NEXMIF: variants seen among roughly 807,000 people sequenced by gnomAD.
NEXMIF encodes XLMR protein related to neurite extension.
NEXMIF carries 8 observed loss-of-function variants against 62.1 expected under a neutral mutation model. That is an observed-to-expected ratio of 0.13 (90% CI 0.08 to 0.23). The LOEUF (loss-of-function observed/expected upper bound fraction) is 0.23, where lower values mean the gene tolerates loss of function less well. Ranked by LOEUF, NEXMIF falls within the 10% of genes least tolerant of loss-of-function variation. The pLI, the probability that NEXMIF is intolerant of heterozygous loss-of-function variation, is 1.00. For synonymous variants in NEXMIF, 404 were observed against 416.6 expected, an observed-to-expected ratio of 0.97 and a Z score of 0.37; for missense variants, 976 against 1,113.3, an observed-to-expected ratio of 0.88 and a Z score of 1.75.
chrX:74,911,493 A>G (rs1303705872), intron 1 of NEXMIF, among the ~76,000 whole-genome samples: 1 of 111,907 alleles, frequency 8.9e-6, no homozygotes, highest in African/African-American at 3.3e-5. Flanking sequence ...CCATCTCCAT[A>G]TCTCTGAGTA....
At position 74,827,779 on chromosome X, in the gene NEXMIF, C is replaced by T. The variant is rs562957289; in HGVS notation, c.-47-82082G>A. On this transcript the variant is annotated intron_variant, in intron 1 of 3. Transcript: ENST00000055682. ...GGAAGAGATGTGTACAATTAGTTGT[C>T]AAAAGCCAATGCAAACCAATTCTAG... Among the ~76,000 whole-genome samples, 17 of 111,388 alleles carry T rather than the reference C, an allele frequency of 1.5e-4. No individual in the cohort carries two copies. In the South Asian group the frequency reaches 6.5e-3, roughly 43 times the overall value.
At chrX:74,872,093 A>G (rs1027640052) in intron 1 of NEXMIF, among the ~76,000 whole-genome samples, 2 of 111,726 alleles carry the variant, frequency 1.8e-5, no homozygotes, top group African/African-American at 3.3e-5. Context: ...AAGAAATGAT[A>G]AAAGTATTAA....
rs142648258 is a variant in NEXMIF at position 74,766,872 on chromosome X, C to G, written c.-47-21175G>C. On this transcript the variant is annotated intron_variant, in intron 1 of 3. Transcript: ENST00000055682. ...CTGTGTGTGGGTCTTCCTTTCACTG[C>G]TTGGCTGCCTCTGATTGAAGTGGTC... 3.1e-3 allele frequency among the ~76,000 whole-genome samples: 352 copies of G among 111,930 alleles called. 1 individual carries two copies. Among genetic ancestry groups the G allele is most frequent in the African/African-American group, 0.011 (331 of 30,858 alleles).
In NEXMIF at chrX:74,781,431, AAGG is replaced by A. The variant is rs766568249; in HGVS notation, c.-47-35737_-47-35735del. On this transcript the variant is annotated intron_variant, in intron 1 of 3. Transcript: ENST00000055682. The stretch of plus-strand genomic sequence containing the variant: ...CAGAGGAAGAGTGGAGGGAGAGGTG[AAGG>A]AGGAGAAGAGGGAGAAAGAACAAGA... Among the ~76,000 whole-genome samples the A allele has an allele frequency of 5.5e-5, 6 of 108,682 alleles. No homozygotes were observed. The East Asian group carries it at 1.1e-3, about 20-fold the overall frequency. 94.4% of individuals were successfully genotyped at this position (108,682 alleles called of 115,157 possible).
chrX:74,880,426 A>G (rs1435880209), intron 1 of NEXMIF, among the ~76,000 whole-genome samples: 1 of 111,880 alleles, frequency 8.9e-6, no homozygotes, highest in Non-Finnish European at 1.9e-5. Context: ...CCAGTTTTCC[A>G]GGACTTTACC....
At chrX:74,795,060 T>G (rs748632994) in intron 1 of NEXMIF, among the ~76,000 whole-genome samples, 2 of 112,016 alleles carry the variant, frequency 1.8e-5, no homozygotes, top group Non-Finnish European at 3.8e-5. Flanking sequence ...GATCACTATT[T>G]CAGTCCAGCT....
intron 1 of NEXMIF, among the ~76,000 whole-genome samples, chrX:74,778,432 CCTT>C (rs1257114767): frequency 3.6e-5 from 4 of 111,187 alleles, no homozygotes; most frequent in Non-Finnish European, 5.7e-5. Context: ...TCCCTTCCTT[CCTT>C]CTTTTCTTTT....
chrX:74,762,986 C>T (rs1437604783), intron 1 of NEXMIF, among the ~76,000 whole-genome samples: 1 of 111,936 alleles, frequency 8.9e-6, no homozygotes, highest in Non-Finnish European at 1.9e-5. Context: ...TACCATCTAT[C>T]AATTTTGGCT....
At chrX:74,760,316 C>G (rs1453011492) in intron 1 of NEXMIF, among the ~76,000 whole-genome samples, 7 of 111,821 alleles carry the variant, frequency 6.3e-5, no homozygotes, top group African/African-American at 2.3e-4. Context: ...TTTCTAGACA[C>G]AGAATCACGT....
intron 1 of NEXMIF, among the ~76,000 whole-genome samples, chrX:74,898,097 G>C (rs1236713318): frequency 9.0e-6 from 1 of 111,587 alleles, no homozygotes; most frequent in Non-Finnish European, 1.9e-5. Flanking sequence ...CTTAAAGTAT[G>C]AACTGCCCAA....
rs774296615 is a variant in NEXMIF, at chrX:74,832,147, CT to C, written c.-47-86451del. 2.1e-3 allele frequency among the ~76,000 whole-genome samples: 238 copies of C among 111,851 alleles called. 4 individuals are homozygous for C. Among genetic ancestry groups the C allele is most frequent in the Admixed American group, 0.02 (207 of 10,536 alleles). On this transcript the variant is annotated intron_variant, in intron 1 of 3. Coordinates refer to ENST00000055682, the MANE Select transcript of NEXMIF (RefSeq NM_001008537.3). ...TCACAGAATGAGTTTCCCTCCTGCT[CT>C]TTTTTTCCAGATAGTTTGAGTAGGA...
chrX:74,922,012 G>A (rs1356679101), intron 1 of NEXMIF, among the ~76,000 whole-genome samples: 1 of 112,091 alleles, frequency 8.9e-6, no homozygotes, highest in Non-Finnish European at 1.9e-5. Flanking sequence ...CAGAGAAACT[G>A]CAACCAATGC....
chrX:74,840,849 T>G (rs990984069), intron 1 of NEXMIF, among the ~76,000 whole-genome samples: 3 of 111,937 alleles, frequency 2.7e-5, no homozygotes, highest in Non-Finnish European at 5.6e-5. Context: ...ATGTGCCTGT[T>G]TTGTACCAGT....
chrX:74,765,871 CAAA>C lies in NEXMIF; in HGVS notation c.-47-20177_-47-20175del, dbSNP rs755196904. On this transcript the variant is annotated intron_variant, in intron 1 of 3. Coordinates refer to ENST00000055682, the MANE Select transcript of NEXMIF (RefSeq NM_001008537.3). The stretch of plus-strand genomic sequence containing the variant: ...TAAAACCGCATCTCTACTGAAAATA[CAAA>C]AAAAAAAAAAAAAAAAAGTAACCAG... 1.0e-4 allele frequency among the ~76,000 whole-genome samples: 3 copies of C among 28,952 alleles called. No individual in the cohort carries two copies. The East Asian group carries it at 3.0e-3, about 29-fold the overall frequency. 25.1% of individuals were successfully genotyped at this position (28,952 alleles called of 115,157 possible). A position where few individuals can be genotyped will look rare whatever the true frequency, so the allele number is the denominator to read the frequency against.
intron 1 of NEXMIF, among the ~76,000 whole-genome samples, chrX:74,815,596 T>A (rs183381970): frequency 9.0e-5 from 10 of 110,678 alleles, no homozygotes; most frequent in African/African-American, 3.3e-4. Flanking sequence ...AAGCACTTCA[T>A]GATCTGACCC....
intron 1 of NEXMIF, among the ~76,000 whole-genome samples, chrX:74,797,878 T>C (rs1347293724): frequency 8.9e-6 from 1 of 112,201 alleles, no homozygotes; most frequent in East Asian, 2.8e-4. Context: ...ATGGGTTCAG[T>C]AAGAAGAAGG....
intron 1 of NEXMIF, among the ~76,000 whole-genome samples, chrX:74,834,525 G>A (rs1191406595): frequency 1.8e-5 from 2 of 111,552 alleles, no homozygotes; most frequent in Non-Finnish European, 3.8e-5. Flanking sequence ...GTTTCTCTGG[G>A]AAGGTCTTTA....
At chrX:74,851,437 C>G (rs374980453) in intron 1 of NEXMIF, among the ~76,000 whole-genome samples, 7 of 110,860 alleles carry the variant, frequency 6.3e-5, no homozygotes, top group Admixed American at 2.9e-4. Flanking sequence ...GTCAAATTGC[C>G]AAAAGTCAAA....
intron 1 of NEXMIF, among the ~76,000 whole-genome samples, chrX:74,858,691 G>T (rs1050127010): frequency 9.0e-6 from 1 of 111,003 alleles, no homozygotes; most frequent in Non-Finnish European, 1.9e-5. Context: ...AGGCACCAGG[G>T]GCCAATCCTG....
Sources: allele counts gnomAD v4.1 joint callset (sites outside exome capture counted in the v4.1 genomes callset), GRCh38; gene constraint gnomAD v4.1.1; transcripts MANE v1.5; gene names NCBI Gene and HGNC (gene_info 2026-07-23, HGNC 2026-07-21).